Variants in PSMG2 observed in about 807,000 individuals in gnomAD.
The protein encoded by PSMG2 is CD40 ligand-activated specific transcript 3.
Under a neutral mutation model 31.5 loss-of-function variants are expected in PSMG2, and 21 were observed. That is an observed-to-expected ratio of 0.67 (90% CI 0.47 to 0.96). The LOEUF is 0.96. PSMG2 is among the 40% of genes least tolerant of loss of function. The pLI is 0.00. For missense variants in PSMG2, 318 were observed against 321.2 expected (o/e 0.99, Z 0.08); for synonymous variants, 120 against 110.4 (o/e 1.09, Z -0.54).
chr18:12,680,408 T>A (rs2039303567), intron 1 of PSMG2, among the ~76,000 whole-genome samples: 2 of 151,344 alleles, frequency 1.3e-5, no homozygotes, highest in Non-Finnish European at 2.9e-5. Flanking sequence ...CCAGCCTGGC[T>A]AACATGGTGA....
intron 1 of PSMG2, chr18:12,680,546 G>C (rs2039307517): frequency 1.5e-6 from 1 of 652,804 alleles, no homozygotes. Flanking sequence ...GCAGTGAGCT[G>C]AGATTGTGCC....
At chr18:12,662,191 G>GA (rs5823232) in intron 1 of PSMG2, 121,126 of 346,998 alleles carry the variant, frequency 0.35, 6,249 homozygotes, top group Non-Finnish European at 0.39. Flanking sequence ...CACCAGAAAG[G>GA]AAAAAAAAAA....
chr18:12,678,750 G>C (rs1047483993), intron 1 of PSMG2, among the ~76,000 whole-genome samples: 12 of 152,062 alleles, frequency 7.9e-5, no homozygotes, highest in Non-Finnish European at 1.6e-4. Flanking sequence ...GAGGTCAAGA[G>C]TTCGAGACTA....
chr18:12,679,093 G>A (rs2039250731), intron 1 of PSMG2: 2 of 152,272 alleles, frequency 1.3e-5, no homozygotes, highest in East Asian at 3.9e-4. Context: ...GAGGGCCCAG[G>A]GCTGGGCCTC....
At chr18:12,696,085 T>C (rs1226630187) in intron 1 of PSMG2, among the ~76,000 whole-genome samples, 1 of 152,216 alleles carries the variant, frequency 6.6e-6, no homozygotes, top group Non-Finnish European at 1.5e-5. Flanking sequence ...CTGCTACGAT[T>C]ATCATGTTAG....
At chr18:12,678,317 G>A in intron 1 of PSMG2, 1 of 1,614,174 alleles carries the variant, frequency 6.2e-7, no homozygotes, top group Admixed American at 1.7e-5. Context: ...TACTGCATCA[G>A]AGGGTTGACA....
chr18:12,668,597 C>CAAAAA (rs752216074), intron 1 of PSMG2, among the ~76,000 whole-genome samples: 766 of 72,702 alleles, frequency 0.011, 47 homozygotes, highest in Non-Finnish European at 0.012. Context: ...GATTCCATCT[C>CAAAAA]AAAAAAAAAA....
chr18:12,693,099 C>T (rs1193225247), intron 1 of PSMG2, among the ~76,000 whole-genome samples: 1 of 152,122 alleles, frequency 6.6e-6, no homozygotes, highest in African/African-American at 2.4e-5. Flanking sequence ...GCTGGGATTA[C>T]AGATTAATTA....
chr18:12,712,666 C>T (rs754788044), intron 2 of PSMG2, 36 bp from the exon 3 acceptor site: 4 of 1,455,098 alleles, frequency 2.7e-6, no homozygotes, highest in African/African-American at 1.4e-5. Context: ...TATAACTTCA[C>T]TGTCATATGA....
At chr18:12,710,062 C>G (rs1431392329) in intron 2 of PSMG2, among the ~76,000 whole-genome samples, 1 of 151,966 alleles carries the variant, frequency 6.6e-6, no homozygotes, top group Non-Finnish European at 1.5e-5. Context: ...TCCGCCTCAG[C>G]CTCCCAAGTA....
In PSMG2 at chr18:12,725,622, T is replaced by G. The variant is rs2040470050; in HGVS notation, c.*91T>G. 1.7e-5 allele frequency: 15 copies of G among 864,772 alleles called. No individual in the cohort carries two copies. Among genetic ancestry groups the G allele is most frequent in the Non-Finnish European group, 2.4e-5 (14 of 589,274 alleles). The allele number at this position is 864,772 out of a possible 1,614,324, so 53.6% of individuals were successfully genotyped here. ...TACAAAAAAATTGTATGATCTGGTATTAGGAAATTACTTTCACAGTAAATA... is the reference window on the plus strand; with the variant it reads ...TACAAAAAAATTGTATGATCTGGTAGTAGGAAATTACTTTCACAGTAAATA... On this transcript the variant is annotated 3_prime_UTR_variant, in exon 7 of 7. Coordinates refer to ENST00000317615, the MANE Select transcript of PSMG2 (RefSeq NM_020232.5).
At chr18:12,677,373 G>A (rs1158110815) in intron 1 of PSMG2, among the ~76,000 whole-genome samples, 3 of 150,142 alleles carry the variant, frequency 2.0e-5, no homozygotes, top group Non-Finnish European at 3.0e-5. Flanking sequence ...GGGAGGTAGA[G>A]GTTGCAGTGA....
chr18:12,713,109 A>T (rs962237380), intron 3 of PSMG2, among the ~76,000 whole-genome samples: 2 of 152,206 alleles, frequency 1.3e-5, no homozygotes, highest in African/African-American at 4.8e-5. Flanking sequence ...ATATGTCATA[A>T]AATATTCTGA....
At chr18:12,697,171 C>T in intron 1 of PSMG2, 2 of 1,223,966 alleles carry the variant, frequency 1.6e-6, no homozygotes, top group African/African-American at 1.5e-5. Flanking sequence ...AATATATTTA[C>T]AAATGAACTG....
intron 1 of PSMG2, among the ~76,000 whole-genome samples, chr18:12,664,698 CTT>C (rs76222169): frequency 3.1e-4 from 43 of 137,488 alleles, no homozygotes; most frequent in African/African-American, 4.3e-4. Context: ...TTGTCCTGAT[CTT>C]TTTTTTTTTT....
intron 1 of PSMG2, among the ~76,000 whole-genome samples, chr18:12,704,367 G>C (rs936659748): frequency 6.6e-5 from 10 of 152,088 alleles, no homozygotes; most frequent in African/African-American, 2.4e-4. Flanking sequence ...CAGGAGGATC[G>C]CTTGAGCTCA....
At chr18:12,662,323 C>T (rs2144937689) in intron 1 of PSMG2, among the ~76,000 whole-genome samples, 1 of 152,248 alleles carries the variant, frequency 6.6e-6, no homozygotes, top group South Asian at 2.1e-4. Context: ...CTTGAAGGGT[C>T]AGATATTATT....
At chr18:12,691,112 G>C (rs2039743168) in intron 1 of PSMG2, 2 of 350,430 alleles carry the variant, frequency 5.7e-6, no homozygotes, top group Non-Finnish European at 1.0e-5. Flanking sequence ...CACAATAATT[G>C]ATTCAACCTG....
chr18:12,708,552 C>T (rs538103627), intron 2 of PSMG2, among the ~76,000 whole-genome samples: 3 of 150,344 alleles, frequency 2.0e-5, no homozygotes, highest in African/African-American at 7.3e-5. Context: ...TTAGTAGAGA[C>T]GGAGTTTCTC....
Sources: allele counts gnomAD v4.1 joint callset (sites outside exome capture counted in the v4.1 genomes callset), GRCh38; gene constraint gnomAD v4.1.1; transcripts MANE v1.5; gene names NCBI Gene and HGNC (gene_info 2026-07-23, HGNC 2026-07-21).